NOL8: variants seen among roughly 807,000 people sequenced by gnomAD.
The protein encoded by NOL8 is nucleolar protein 8, also known as nucleolar protein Nop132.
NOL8 carries 93 observed loss-of-function variants against 116.1 expected under a neutral mutation model. That is an observed-to-expected ratio of 0.80 (90% confidence interval 0.68 to 0.95). NOL8 has a LOEUF of 0.95. Ranked by LOEUF, NOL8 falls within the 40% of genes least tolerant of loss-of-function variation. The pLI, the probability that NOL8 is intolerant of heterozygous loss-of-function variation, is 0.00. For missense variants in NOL8, 1,291 were observed against 1,382.8 expected (o/e 0.93, Z 1.05); for synonymous variants, 419 against 469.0 (o/e 0.89, Z 1.38).
intron 14 of NOL8, 37 bp from the exon 15 acceptor site, chr9:92,298,991 T>C (rs1417884938): frequency 1.7e-6 from 2 of 1,158,448 alleles, no homozygotes; most frequent in Admixed American, 2.9e-5. Context: ...GAAAAATAGG[T>C]ATTGGTTGGT....
intron 10 of NOL8, among the ~76,000 whole-genome samples, chr9:92,309,274 G>T (rs1212047638): frequency 6.6e-6 from 1 of 152,212 alleles, no homozygotes; most frequent in Non-Finnish European, 1.5e-5. Flanking sequence ...TGAATTAGAT[G>T]TAATTTACTT....
At chr9:92,317,180 C>T (rs1010623989) in intron 6 of NOL8, among the ~76,000 whole-genome samples, 4 of 152,130 alleles carry the variant, frequency 2.6e-5, no homozygotes, top group Non-Finnish European at 4.4e-5. Flanking sequence ...CTAGACTGGT[C>T]GCAAACACCT....
Position 92,301,651 on chromosome 9 carries a change from A to G in NOL8, c.3075T>C (p.Pro1025=), listed in dbSNP as rs755429410. The change falls in exon 13 of 17, where the codon CCT becomes CCC. Residue 1025 remains proline (P), a synonymous_variant. Coordinates refer to ENST00000442668, the MANE Select transcript of NOL8 (RefSeq NM_017948.6). ...PWNEDCGKEK[P]EEIQDPAALT... ...GAGCTGCAGGGTCCTGGATTTCCTC[A>G]GGTTTCTCTTTACCACAGTCCTCAT... The G allele has an allele frequency of 6.2e-7, 1 of 1,601,640 alleles. No homozygotes were observed.
At chr9:92,323,227 T>G in intron 3 of NOL8, 1 of 1,371,336 alleles carries the variant, frequency 7.3e-7, no homozygotes, top group Non-Finnish European at 9.6e-7. Flanking sequence ...CAGTTTTAAG[T>G]AAACCCACCA....
intron 2 of NOL8, among the ~76,000 whole-genome samples, 194 bp from the exon 3 acceptor site, chr9:92,323,697 A>G (rs1379091877): frequency 6.6e-6 from 1 of 152,218 alleles, no homozygotes; most frequent in Non-Finnish European, 1.5e-5. Flanking sequence ...AAAAAGAAGA[A>G]AATGTCCAGT....
chr9:92,320,485 T>C (rs1173626096), intron 4 of NOL8: 1 of 194,786 alleles, frequency 5.1e-6, no homozygotes, highest in African/African-American at 2.3e-5. Flanking sequence ...CCCCAAAACA[T>C]GCCTCAAAGT....
chr9:92,313,766 A>T (rs921161632), intron 7 of NOL8, among the ~76,000 whole-genome samples: 1 of 152,088 alleles, frequency 6.6e-6, no homozygotes, highest in Non-Finnish European at 1.5e-5. Context: ...GAAGCTCCCA[A>T]CTGACTTAGT....
Position 92,315,550 on chromosome 9 carries a change from G to C in NOL8, c.1075C>G (p.Arg359Gly). The C allele has an allele frequency of 6.2e-7, 1 of 1,611,922 alleles. No individual in the cohort carries two copies. The highest frequency in any genetic ancestry group is 1.1e-5 in the South Asian group (1 of 90,834). ...HSLIGLGIKNRVSCHDSDDDI... is the reference protein window; with the variant it reads ...HSLIGLGIKNGVSCHDSDDDI... Reference sequence around the variant, plus strand: ...TCATCACTATCATGGCAAGAGACACGATTTTTGATACCTAAACCTATTAAA... The same window carrying C: ...TCATCACTATCATGGCAAGAGACACCATTTTTGATACCTAAACCTATTAAA... Residue 359 changes from arginine to glycine, a missense_variant, in exon 7 of 17, where the codon CGT (arginine) becomes GGT (glycine). Physicochemically the swap from Arg to Gly is moderately radical, Grantham distance 125. Transcript: ENST00000442668.
In NOL8 at chr9:92,314,529, T is replaced by A; in HGVS notation, c.2096A>T (p.His699Leu). 1 of 1,613,702 alleles carries A rather than the reference T, an allele frequency of 6.2e-7. No homozygotes were observed. The highest frequency in any genetic ancestry group is 1.7e-5 in the Admixed American group (1 of 59,974). The change falls in exon 7 of 17, where the codon CAT (histidine) becomes CTT (leucine). Residue 699 changes from histidine to leucine, a missense_variant. Transcript: ENST00000442668. ...TGAAGCTTCTGTCTTTGTGGTACTA[T>A]GGCAGCTGTCTTTGTCAAAGCCTAT... ...HNIGFDKDSCHSTTKTEASQE... is the reference protein window; with the variant it reads ...HNIGFDKDSCLSTTKTEASQE...
At chr9:92,298,181 G>T in intron 16 of NOL8, 76 bp downstream of exon 16, 1 of 1,133,140 alleles carries the variant, frequency 8.8e-7, no homozygotes, top group Non-Finnish European at 1.3e-6. Context: ...CCATTCATGA[G>T]TTCCCTTCCA....
In NOL8 at chr9:92,323,545, A is replaced by G. The variant is rs751179940; in HGVS notation, c.140-42T>C. 8 of 1,521,648 alleles carry G rather than the reference A, an allele frequency of 5.3e-6. No homozygotes were observed. The South Asian group carries it at 7.2e-5, about 14-fold the overall frequency. The allele number at this position is 1,521,648 out of a possible 1,614,324, so 94.3% of individuals were successfully genotyped here. ...CAAACAAACAAAACAATTTATTTAA[A>G]TTCTTATCCAGAGAGCAATGTAAAA... On this transcript the variant is annotated intron_variant, in intron 2 of 16. Coordinates refer to ENST00000442668, the MANE Select transcript of NOL8 (RefSeq NM_017948.6).
intron 7 of NOL8, among the ~76,000 whole-genome samples, chr9:92,311,697 A>T (rs764515455): frequency 6.6e-6 from 1 of 152,236 alleles, no homozygotes; most frequent in African/African-American, 2.4e-5. Flanking sequence ...AAGTCAAAAT[A>T]TAACAGATGC....
chr9:92,323,338 A>G (rs1028625305), intron 3 of NOL8, 103 bp downstream of exon 3: 11 of 1,544,634 alleles, frequency 7.1e-6, no homozygotes, highest in African/African-American at 2.7e-5. Flanking sequence ...CCCTCTGGAT[A>G]ACGTGAAAAA....
intron 8 of NOL8, 164 bp from the exon 9 acceptor site, chr9:92,310,839 C>G: frequency 1.4e-6 from 1 of 709,560 alleles, no homozygotes; most frequent in Non-Finnish European, 2.3e-6. Context: ...TGAAATCTAA[C>G]TGGCCTCTGG....
rs112242194 is a variant in NOL8 at position 92,299,759 on chromosome 9, A to T, written c.3302+131T>A. ...AGAGCAACACTCCGTCTCAAAAAAA[A>T]AAAATAAAATAAAAAAAGAAGCTAA... On this transcript the variant is annotated intron_variant, in intron 14 of 16. Coordinates refer to ENST00000442668, the MANE Select transcript of NOL8 (RefSeq NM_017948.6). The T allele has an allele frequency of 2.5e-3, 2,612 of 1,042,330 alleles. 40 individuals are homozygous for T. In the African/African-American group the frequency reaches 0.026, roughly 11 times the overall value. 64.6% of individuals were successfully genotyped at this position (1,042,330 alleles called of 1,614,324 possible). A position where few individuals can be genotyped will look rare whatever the true frequency, so the allele number is the denominator to read the frequency against.
At chr9:92,313,196 G>A (rs1336938504) in intron 7 of NOL8, among the ~76,000 whole-genome samples, 7 of 151,848 alleles carry the variant, frequency 4.6e-5, no homozygotes, top group Non-Finnish European at 1.0e-4. Flanking sequence ...AAACTTTTTG[G>A]TATCAATTCA....
Position 92,300,281 on chromosome 9 carries a change from G to A in NOL8, c.3176-265C>T, listed in dbSNP as rs954439221. 51 of 1,021,056 alleles carry A rather than the reference G, an allele frequency of 5.0e-5. No homozygotes were observed. In the African/African-American group the frequency reaches 7.9e-4, roughly 16 times the overall value. The allele number at this position is 1,021,056 out of a possible 1,614,324, so 63.2% of individuals were successfully genotyped here. ...ATATAAAAAAGGTTTAAAAAATAAA[G>A]GTTTATAAATGAGCTATATAATTTT... On this transcript the variant is annotated intron_variant, in intron 13 of 16. Transcript: ENST00000442668.
In NOL8 at chr9:92,315,074, G is replaced by C. The variant is rs758492696; in HGVS notation, c.1551C>G (p.Cys517Trp). 2.5e-6 allele frequency: 4 copies of C among 1,613,922 alleles called. No homozygotes were observed. The highest frequency in any genetic ancestry group is 3.3e-5 in the Admixed American group (2 of 60,006). Reference sequence around the variant, plus strand: ...GGCTCTTGGAGCCTCTGTCAAACTTGCATTGGGTGGTGGTTTCTGGTCCAT... The same window carrying C: ...GGCTCTTGGAGCCTCTGTCAAACTTCCATTGGGTGGTGGTTTCTGGTCCAT... ...KSDGPETTTQ[C>W]KFDRGSKSPK... Residue 517 changes from cysteine to tryptophan, a missense_variant, in exon 7 of 17, where the codon TGC becomes TGG. Cys to Trp is a radical substitution (Grantham distance 215). Coordinates refer to ENST00000442668, the MANE Select transcript of NOL8 (RefSeq NM_017948.6).
intron 1 of NOL8, 51 bp from the exon 2 acceptor site, chr9:92,324,260 A>C (rs569360759): frequency 7.8e-7 from 1 of 1,285,918 alleles, no homozygotes; most frequent in East Asian, 2.4e-5. Flanking sequence ...ATCTAACAAA[A>C]CAACTACTTC....
Sources: gnomAD v4.1 joint callset for allele counts (sites outside exome capture counted in the v4.1 genomes callset) on GRCh38, gnomAD v4.1.1 for gene constraint, MANE v1.5 for transcripts, NCBI Gene and HGNC (gene_info 2026-07-23, HGNC 2026-07-21) for gene names.